The following MINPP1 variants were observed in gnomAD, a reference collection of about 807,000 sequenced individuals.
MINPP1 encodes the protein multiple inositol polyphosphate phosphatase 1.
A neutral mutation model predicts 46.1 loss-of-function variants in MINPP1; 28 were observed. The ratio of observed to expected loss-of-function variants is 0.61; its 90% CI spans 0.45 to 0.83. The LOEUF (loss-of-function observed/expected upper bound fraction) is 0.83, where lower values mean the gene tolerates loss of function less well. MINPP1 is among the 40% of genes least tolerant of loss of function. The pLI, the probability that MINPP1 is intolerant of heterozygous loss-of-function variation, is 0.00. For missense variants in MINPP1, 603 were observed against 610.0 expected, an observed-to-expected ratio of 0.99 and a Z score of 0.12; for synonymous variants, 268 against 249.1, an observed-to-expected ratio of 1.08 and a Z score of -0.72.
At chr10:87,512,818 C>T (rs1851354779) in intron 2 of MINPP1, among the ~76,000 whole-genome samples, 1 of 151,398 alleles carries the variant, frequency 6.6e-6, no homozygotes, top group Non-Finnish European at 1.5e-5. Context: ...GACAACAGAG[C>T]AAGACCCTGT....
rs1343233437 is a variant in MINPP1, at chr10:87,505,298, G to C, written c.383G>C (p.Gly128Ala). Residue 128 changes from glycine to alanine, a missense_variant, in exon 1 of 5, where the codon GGT becomes GCT. Physicochemically the swap from Gly to Ala is moderately conservative, Grantham distance 60. This residue lies in a region of MINPP1 where 239 missense variants were observed against 189.4 expected (regional missense o/e 1.26). Coordinates refer to ENST00000371996, the MANE Select transcript of MINPP1 (RefSeq NM_004897.5). This position sits in a 1 kb window ranked among gnomAD's most constrained non-coding sequence, Gnocchi z 4.4. ...GASSTGSRDL[G>A]AALADWPLWY... The stretch of plus-strand genomic sequence containing the variant: ...AGTAGTACCGGCAGCCGCGACCTGG[G>C]TGCAGCGCTGGCCGACTGGCCTTTG... 1.9e-6 allele frequency: 3 copies of C among 1,611,822 alleles called. No individual in the cohort carries two copies. The highest frequency in any genetic ancestry group is 1.7e-6 in the Non-Finnish European group (2 of 1,178,320).
intron 4 of MINPP1, among the ~76,000 whole-genome samples, chr10:87,536,233 C>T (rs148050173): frequency 1.6e-3 from 245 of 152,150 alleles, no homozygotes; most frequent in African/African-American, 5.6e-3. Context: ...GTTTAGAGAA[C>T]ACTTATAATA....
chr10:87,522,758 A>G (rs1851520684), intron 4 of MINPP1, among the ~76,000 whole-genome samples: 1 of 152,174 alleles, frequency 6.6e-6, no homozygotes, highest in Non-Finnish European at 1.5e-5. Flanking sequence ...AATTTATTGT[A>G]AAAGAAAATA....
At chr10:87,515,814 T>C (rs1300498133) in intron 3 of MINPP1, among the ~76,000 whole-genome samples, 1 of 148,430 alleles carries the variant, frequency 6.7e-6, no homozygotes, top group African/African-American at 2.5e-5. Flanking sequence ...TAAAGTTCTT[T>C]GTTAAGAATT....
chr10:87,524,142 C>T (rs958684306), intron 4 of MINPP1, among the ~76,000 whole-genome samples: 3 of 152,240 alleles, frequency 2.0e-5, no homozygotes, highest in Non-Finnish European at 4.4e-5. Context: ...GTTTTGTCTA[C>T]ATTGAAAATC....
At chr10:87,514,073 A>G (rs1037791382) in intron 3 of MINPP1, among the ~76,000 whole-genome samples, 3 of 152,094 alleles carry the variant, frequency 2.0e-5, no homozygotes, top group African/African-American at 7.2e-5. Flanking sequence ...ATAGTCCAGG[A>G]TTTATCTCTC....
chr10:87,551,330 T>G (rs1186481316), intron 4 of MINPP1, among the ~76,000 whole-genome samples: 1 of 152,032 alleles, frequency 6.6e-6, no homozygotes, highest in Non-Finnish European at 1.5e-5. Context: ...ACAAATTATA[T>G]TTAAGAAAAA....
At chr10:87,514,429 T>A (rs2131807173) in intron 3 of MINPP1, among the ~76,000 whole-genome samples, 1 of 152,338 alleles carries the variant, frequency 6.6e-6, no homozygotes. Context: ...TGCTTTGTTT[T>A]ATAAGATTCA....
At chr10:87,507,465 T>C (rs1011021723) in intron 1 of MINPP1, among the ~76,000 whole-genome samples, 1 of 149,648 alleles carries the variant, frequency 6.7e-6, no homozygotes, top group African/African-American at 2.5e-5. Flanking sequence ...GGCAGAATTA[T>C]CCATTTCAAG....
At chr10:87,522,270 G>T (rs989689559) in intron 4 of MINPP1, among the ~76,000 whole-genome samples, 1 of 152,052 alleles carries the variant, frequency 6.6e-6, no homozygotes, top group African/African-American at 2.4e-5. Context: ...AAATGCTTAT[G>T]ACATAATTAC....
At chr10:87,533,961 G>A (rs1342825897) in intron 4 of MINPP1, among the ~76,000 whole-genome samples, 3 of 151,360 alleles carry the variant, frequency 2.0e-5, no homozygotes, top group East Asian at 3.9e-4. Context: ...TGAAGTCACA[G>A]TTCCATGGAG....
intron 4 of MINPP1, among the ~76,000 whole-genome samples, chr10:87,533,100 C>T (rs1322187609): frequency 6.6e-6 from 1 of 151,786 alleles, no homozygotes; most frequent in Non-Finnish European, 1.5e-5. Context: ...CCCAAGTTCC[C>T]AGGCTATTTT....
intron 2 of MINPP1, among the ~76,000 whole-genome samples, chr10:87,509,218 AG>A (rs1851299853): frequency 6.6e-6 from 1 of 152,220 alleles, no homozygotes; most frequent in Non-Finnish European, 1.5e-5. Flanking sequence ...TATGTTCCAT[AG>A]GGTAGATGTT....
intron 4 of MINPP1, among the ~76,000 whole-genome samples, chr10:87,527,173 C>T (rs1023494547): frequency 3.3e-5 from 5 of 152,138 alleles, no homozygotes; most frequent in African/African-American, 1.2e-4. Flanking sequence ...TCTTCCTATC[C>T]ATGAGCATGG....
intron 1 of MINPP1, among the ~76,000 whole-genome samples, chr10:87,507,270 G>A (rs1851265593): frequency 6.6e-6 from 1 of 152,162 alleles, no homozygotes. Flanking sequence ...TTGTAGTTTT[G>A]TAGAAACAGA....
Position 87,536,511 on chromosome 10 carries a change from CAAGAT to C in MINPP1, c.1067+15345_1067+15349del, listed in dbSNP as rs368862506. On this transcript the variant is annotated intron_variant, in intron 4 of 4. Transcript: ENST00000371996. ...ACGCCCATGAAACCATCACCATAAT[CAAGAT>C]AAAATATCCATCACATCCAAGTTTC... Among the ~76,000 whole-genome samples, 21 of 152,268 alleles carry C rather than the reference CAAGAT, an allele frequency of 1.4e-4. No individual in the cohort carries two copies. In the East Asian group the frequency reaches 4.0e-3, roughly 29 times the overall value.
intron 3 of MINPP1, among the ~76,000 whole-genome samples, chr10:87,518,262 T>C (rs1851443502): frequency 6.6e-6 from 1 of 151,634 alleles, no homozygotes; most frequent in Non-Finnish European, 1.5e-5. Context: ...CCCGGCCCTT[T>C]TTTTTTTTTA....
chr10:87,546,302 C>T (rs141932775), intron 4 of MINPP1, among the ~76,000 whole-genome samples: 81 of 152,238 alleles, frequency 5.3e-4, no homozygotes, highest in African/African-American at 1.9e-3. Flanking sequence ...TAAACTGTCA[C>T]GGCACAGATG....
chr10:87,549,280 A>G (rs1851930147), intron 4 of MINPP1, among the ~76,000 whole-genome samples: 2 of 152,302 alleles, frequency 1.3e-5, no homozygotes, highest in South Asian at 4.1e-4. Context: ...TAGAACTTTG[A>G]ACTCATAATT....
Sources: allele counts gnomAD v4.1 joint callset (sites outside exome capture counted in the v4.1 genomes callset), GRCh38; gene constraint gnomAD v4.1.1; regional missense constraint gnomAD v4.1.1; non-coding constraint Gnocchi (gnomAD v3.1); transcripts MANE v1.5; gene names NCBI Gene and HGNC (gene_info 2026-07-23, HGNC 2026-07-21).